The following SLC6A6 variants were observed in gnomAD, a reference collection of about 807,000 sequenced individuals.
SLC6A6 encodes the protein solute carrier family 6 member 6, also known as sodium- and chloride-dependent taurine transporter.
Under a neutral mutation model 68.8 loss-of-function variants are expected in SLC6A6, and 16 were observed. The observed-to-expected ratio is 0.23, with a 90% CI of 0.16 to 0.35. The LOEUF (loss-of-function observed/expected upper bound fraction) is 0.35, where lower values mean the gene tolerates loss of function less well. Ranked by LOEUF, SLC6A6 falls within the 10% of genes least tolerant of loss-of-function variation. The pLI, the probability that SLC6A6 is intolerant of heterozygous loss-of-function variation, is 1.00. For missense variants in SLC6A6, 474 were observed against 802.8 expected (o/e 0.59, Z 4.95); for synonymous variants, 312 against 315.4 (o/e 0.99, Z 0.12).
chr3:14,469,056 G>A (rs1700693465), intron 9 of SLC6A6, among the ~76,000 whole-genome samples: 2 of 152,080 alleles, frequency 1.3e-5, no homozygotes, highest in Non-Finnish European at 2.9e-5. Flanking sequence ...TGAGGTCCTG[G>A]GTCTGTAGCT....
At chr3:14,424,692 G>A (rs1464212042) in intron 2 of SLC6A6, among the ~76,000 whole-genome samples, 2 of 152,254 alleles carry the variant, frequency 1.3e-5, no homozygotes, top group African/African-American at 2.4e-5. Flanking sequence ...GGTAGTGCTT[G>A]TTGTTTTGAC....
intron 1 of SLC6A6, among the ~76,000 whole-genome samples, chr3:14,414,737 C>G (rs1244204257): frequency 6.6e-6 from 1 of 152,116 alleles, no homozygotes; most frequent in Non-Finnish European, 1.5e-5. Context: ...CCCTGTGTTG[C>G]TCAGGTTGGT....
At position 14,445,758 on chromosome 3, in the gene SLC6A6, G is replaced by A. The variant is rs1432704813; in HGVS notation, c.271G>A (p.Gly91Ser). The A allele has an allele frequency of 5.0e-6, 8 of 1,614,100 alleles. No individual in the cohort carries two copies. Among genetic ancestry groups the A allele is most frequent in the East Asian group, 2.2e-5 (1 of 44,888 alleles). Residue 91 changes from glycine to serine, a missense_variant, in exon 4 of 15, where the codon GGC (glycine) becomes AGC (serine). By Grantham distance (56) the Gly-to-Ser change is moderately conservative. Around this residue, in one of 2 missense-constraint regions of SLC6A6, gnomAD observed 280 missense variants for 533.1 expected, o/e 0.53. Coordinates refer to ENST00000622186, the MANE Select transcript of SLC6A6 (RefSeq NM_003043.6). The part of the protein sequence containing the change: ...IPYFIFLFGS[G>S]LPVFFLEIII... ...GTATTTTATTTTCCTGTTTGGGAGC[G>A]GCCTGCCTGTGTTTTTCTTGGAGAT...
At chr3:14,457,347 C>G (rs962979594) in intron 5 of SLC6A6, among the ~76,000 whole-genome samples, 8 of 152,206 alleles carry the variant, frequency 5.3e-5, no homozygotes, top group African/African-American at 1.9e-4. Context: ...CCCTGGGCAT[C>G]TGAACACCAC....
chr3:14,459,176 TCA>T (rs1700438371), intron 6 of SLC6A6, among the ~76,000 whole-genome samples: 1 of 152,142 alleles, frequency 6.6e-6, no homozygotes, highest in South Asian at 2.1e-4. Context: ...CCCCAGTGAC[TCA>T]CATCCCAAAA....
At chr3:14,478,258 T>A (rs1700925837) in intron 11 of SLC6A6, among the ~76,000 whole-genome samples, 1 of 152,240 alleles carries the variant, frequency 6.6e-6, no homozygotes, top group Admixed American at 6.5e-5. Flanking sequence ...CCCATCATTT[T>A]GCTTTCATTT....
intron 1 of SLC6A6, among the ~76,000 whole-genome samples, chr3:14,410,148 T>C (rs1259232488): frequency 7.7e-6 from 1 of 129,764 alleles, no homozygotes; most frequent in Non-Finnish European, 1.5e-5. Context: ...CTGCCCTCCA[T>C]CCTATGCGAC....
At chr3:14,415,207 T>G (rs1257134276) in intron 1 of SLC6A6, among the ~76,000 whole-genome samples, 2 of 152,230 alleles carry the variant, frequency 1.3e-5, no homozygotes, top group East Asian at 3.8e-4. Flanking sequence ...GCACAGTAAG[T>G]GCACCATAAG....
Position 14,468,265 on chromosome 3 carries a change from C to A in SLC6A6, c.1096+53C>A. 1 of 1,554,838 alleles carries A rather than the reference C, an allele frequency of 6.4e-7. No individual in the cohort carries two copies. Among genetic ancestry groups the A allele is most frequent in the South Asian group, 1.1e-5 (1 of 87,278 alleles). On this transcript the variant is annotated intron_variant, in intron 9 of 14. Transcript: ENST00000622186. This position sits in a 1 kb window ranked among gnomAD's most constrained non-coding sequence, Gnocchi z 4.5. ...TGGGCACTGCCACCTAGTGTGTAAG[C>A]CAAGTACTGCAGGCATGAAGCCAGA...
At chr3:14,404,216 G>T (rs1036941206) in intron 1 of SLC6A6, among the ~76,000 whole-genome samples, 2 of 152,296 alleles carry the variant, frequency 1.3e-5, no homozygotes, top group Admixed American at 1.3e-4. Flanking sequence ...AGGGGATCTT[G>T]TCCAGAGTCT....
At chr3:14,424,090 G>A (rs1313920634) in intron 2 of SLC6A6, among the ~76,000 whole-genome samples, 1 of 152,182 alleles carries the variant, frequency 6.6e-6, no homozygotes, top group African/African-American at 2.4e-5. Context: ...GCTCTGCCTA[G>A]TACTGGAAAG....
Position 14,487,396 on chromosome 3 carries a change from C to T in SLC6A6, c.*2389C>T, listed in dbSNP as rs1178235688. On this transcript the variant is annotated 3_prime_UTR_variant, in exon 15 of 15. Transcript: ENST00000622186. ...CCCTGGCTCTGTGTGCAGAGCATAGCTCTGCGAGTACCTGTGTAATAATGC... is the reference window on the plus strand; with the variant it reads ...CCCTGGCTCTGTGTGCAGAGCATAGTTCTGCGAGTACCTGTGTAATAATGC... The T allele has an allele frequency of 1.3e-5, 2 of 152,566 alleles. No homozygotes were observed. The allele number at this position is 152,566 out of a possible 1,614,324, so 9.5% of individuals were successfully genotyped here.
At chr3:14,425,423 A>G (rs1168645621) in intron 2 of SLC6A6, among the ~76,000 whole-genome samples, 1 of 152,212 alleles carries the variant, frequency 6.6e-6, no homozygotes, top group Non-Finnish European at 1.5e-5. Flanking sequence ...CCTCCTCTCC[A>G]CACACATTGT....
At chr3:14,447,429 C>T (rs1323467789) in intron 4 of SLC6A6, among the ~76,000 whole-genome samples, 153 bp from the exon 5 acceptor site, 1 of 152,224 alleles carries the variant, frequency 6.6e-6, no homozygotes, top group Non-Finnish European at 1.5e-5. Context: ...TTCAACCAGC[C>T]ATCCATTCAC....
At position 14,485,011 on chromosome 3, in the gene SLC6A6, C is replaced by T; in HGVS notation, c.*4C>T. ...CATTGTGGAGACCATGATGTGAGCTCTCTCGGGTCGACGGGGCCGGCGGCT... is the reference window on the plus strand; with the variant it reads ...CATTGTGGAGACCATGATGTGAGCTTTCTCGGGTCGACGGGGCCGGCGGCT... On this transcript the variant is annotated 3_prime_UTR_variant, in exon 15 of 15. Coordinates refer to ENST00000622186, the MANE Select transcript of SLC6A6 (RefSeq NM_003043.6). 6.2e-7 allele frequency: 1 copy of T among 1,601,300 alleles called. No homozygotes were observed. The highest frequency in any genetic ancestry group is 2.2e-5 in the East Asian group (1 of 44,482).
At chr3:14,406,176 ATTTT>A (rs2124890073) in intron 1 of SLC6A6, among the ~76,000 whole-genome samples, 1 of 151,886 alleles carries the variant, frequency 6.6e-6, no homozygotes, top group Non-Finnish European at 1.5e-5. Flanking sequence ...GGGGCGTTTT[ATTTT>A]TTCACATATA....
chr3:14,446,879 T>C (rs1279481135), intron 4 of SLC6A6, among the ~76,000 whole-genome samples: 1 of 152,222 alleles, frequency 6.6e-6, no homozygotes, highest in Admixed American at 6.5e-5. Flanking sequence ...TATGATTTAA[T>C]TGGCAGAGAC....
chr3:14,416,156 A>G (rs1292480556), intron 1 of SLC6A6, among the ~76,000 whole-genome samples: 1 of 152,062 alleles, frequency 6.6e-6, no homozygotes, highest in African/African-American at 2.4e-5. Flanking sequence ...TGTGTGGCTG[A>G]CACAGGCAAG....
chr3:14,421,023 A>G (rs1346648935), intron 2 of SLC6A6, among the ~76,000 whole-genome samples: 2 of 152,180 alleles, frequency 1.3e-5, no homozygotes, highest in African/African-American at 4.8e-5. Context: ...GATGCTGCAT[A>G]CGTGTTGATG....
Sources: allele counts gnomAD v4.1 joint callset (sites outside exome capture counted in the v4.1 genomes callset), GRCh38; gene constraint gnomAD v4.1.1; regional missense constraint gnomAD v4.1.1; non-coding constraint Gnocchi (gnomAD v3.1); transcripts MANE v1.5; gene names NCBI Gene and HGNC (gene_info 2026-07-23, HGNC 2026-07-21).